MTSS2: variants seen among roughly 807,000 people sequenced by gnomAD.
MTSS2 encodes protein MTSS 2.
Under a neutral mutation model 67.1 loss-of-function variants are expected in MTSS2, and 27 were observed. The observed-to-expected ratio is 0.40, with a 90% confidence interval of 0.30 to 0.55. The LOEUF (loss-of-function observed/expected upper bound fraction) is 0.55. Ranked by LOEUF, MTSS2 falls within the 20% of genes least tolerant of loss-of-function variation. The pLI, the probability that MTSS2 is intolerant of heterozygous loss-of-function variation, is 0.43. For synonymous variants in MTSS2, 624 were observed against 468.6 expected (o/e 1.33, Z -4.28); for missense variants, 1,171 against 1,067.8 (o/e 1.10, Z -1.35).
At chr16:70,678,509 G>A (rs2053194263) in intron 7 of MTSS2, 100 bp from the exon 8 acceptor site, 3 of 1,419,712 alleles carry the variant, frequency 2.1e-6, no homozygotes, top group African/African-American at 1.4e-5. Flanking sequence ...CTCGGCCGTT[G>A]GGCTGGGTGT....
rs531163149 is a variant in MTSS2 at position 70,664,131 on chromosome 16, G to A, written c.1790C>T (p.Thr597Met). The A allele has an allele frequency of 3.5e-5, 57 of 1,610,574 alleles. No homozygotes were observed. In the East Asian group the frequency reaches 7.6e-4, roughly 21 times the overall value. The part of the protein sequence containing the change: ...RPPIVPVKTP[T>M]VPDSPGYMGP... ...CATGTAGCCGGGGGAGTCAGGCACC[G>A]TGGGCGTCTTCACAGGGACGATGGG... The change falls in exon 15 of 15, where the codon ACG becomes ATG. Residue 597 changes from threonine to methionine, a missense_variant. Thr to Met is a moderately conservative substitution (Grantham distance 81). Transcript: ENST00000338779.
intron 1 of MTSS2, among the ~76,000 whole-genome samples, chr16:70,682,133 G>A (rs367809701): frequency 7.2e-5 from 11 of 152,272 alleles, no homozygotes; most frequent in African/African-American, 2.4e-4. Context: ...GAGACAGGGC[G>A]GCTTAGGGGG....
At chr16:70,684,652 G>A (rs1396970068) in intron 1 of MTSS2, among the ~76,000 whole-genome samples, 1 of 152,190 alleles carries the variant, frequency 6.6e-6, no homozygotes, top group Non-Finnish European at 1.5e-5. Context: ...GGGCCCTTGG[G>A]AGATCCTGTG....
chr16:70,682,284 G>A (rs1221580753), intron 1 of MTSS2, among the ~76,000 whole-genome samples: 1 of 152,314 alleles, frequency 6.6e-6, no homozygotes. Context: ...CAGGGTGAAG[G>A]GGCCTGGGAA....
intron 11 of MTSS2, among the ~76,000 whole-genome samples, chr16:70,669,830 T>C (rs994796581): frequency 9.6e-6 from 1 of 104,444 alleles, no homozygotes; most frequent in Non-Finnish European, 2.1e-5. Flanking sequence ...AAAAAAAAAG[T>C]ATGAAAAGGT....
In MTSS2 at chr16:70,663,795, G is replaced by A. The variant is rs751872615; in HGVS notation, c.2126C>T (p.Thr709Ile). ...GTCGCTGGTGGCGGCTGGGGGTGGG[G>A]TGGGCGTCTCCTCCGTGGGGGTGGC... ...LSATPTEETPTPPPAATSDPP... is the reference protein window; with the variant it reads ...LSATPTEETPIPPPAATSDPP... The change falls in exon 15 of 15, where the codon ACC becomes ATC. Residue 709 changes from threonine to isoleucine, a missense_variant. Transcript: ENST00000338779. The A allele has an allele frequency of 1.3e-6, 2 of 1,521,200 alleles. No homozygotes were observed. Among genetic ancestry groups the A allele is most frequent in the South Asian group, 2.5e-5 (2 of 81,510 alleles). 94.2% of individuals were successfully genotyped at this position (1,521,200 alleles called of 1,614,324 possible). A position where few individuals can be genotyped will look rare whatever the true frequency, so the allele number is the denominator to read the frequency against.
In MTSS2 at chr16:70,663,570, T is replaced by C; in HGVS notation, c.*107A>G. On this transcript the variant is annotated 3_prime_UTR_variant, in exon 15 of 15. Transcript: ENST00000338779. ...CCATAAAGTGGCATGGCCTCTGCCC[T>C]GGCTCTGTCCTCTCTCCTGGCTGGG... 6.9e-7 allele frequency: 1 copy of C among 1,439,976 alleles called. No individual in the cohort carries two copies. Among genetic ancestry groups the C allele is most frequent in the East Asian group, 2.5e-5 (1 of 39,336 alleles). The allele number at this position is 1,439,976 out of a possible 1,614,324, so 89.2% of individuals were successfully genotyped here. A position where few individuals can be genotyped will look rare whatever the true frequency, so the allele number is the denominator to read the frequency against.
chr16:70,679,074 C>T (rs940106954), intron 7 of MTSS2, among the ~76,000 whole-genome samples: 10 of 152,132 alleles, frequency 6.6e-5, no homozygotes, highest in African/African-American at 2.4e-4. Flanking sequence ...GCCCCCATCC[C>T]GCCCTGGCCA....
chr16:70,680,917 G>A (rs749131639), intron 2 of MTSS2, 47 bp downstream of exon 2: 3 of 1,168,276 alleles, frequency 2.6e-6, no homozygotes, highest in South Asian at 1.3e-5. Context: ...GCGGGGGGGG[G>A]GCCTCTGCCT....
At position 70,663,479 on chromosome 16, in the gene MTSS2, G is replaced by A. The variant is rs115402911; in HGVS notation, c.*198C>T. On this transcript the variant is annotated 3_prime_UTR_variant, in exon 15 of 15. Transcript: ENST00000338779. Reference sequence around the variant, plus strand: ...AACCAGGCCCAGGCCTGCAGGCTCCGTCCTGGCCAGGCTTGCTAAGAAGTC... The same window carrying A: ...AACCAGGCCCAGGCCTGCAGGCTCCATCCTGGCCAGGCTTGCTAAGAAGTC... 4.9e-4 allele frequency: 519 copies of A among 1,069,752 alleles called. 1 individual carries two copies. The African/African-American group carries it at 5.4e-3, about 11-fold the overall frequency. The allele number at this position is 1,069,752 out of a possible 1,614,324, so 66.3% of individuals were successfully genotyped here.
intron 11 of MTSS2, among the ~76,000 whole-genome samples, chr16:70,669,807 A>C (rs2052859950): frequency 8.1e-6 from 1 of 123,406 alleles, no homozygotes; most frequent in African/African-American, 3.2e-5. Flanking sequence ...ACAGAGTGAG[A>C]CTCTGTCTCA....
At position 70,679,847 on chromosome 16, in the gene MTSS2, C is replaced by T. The variant is rs1191832061; in HGVS notation, c.321G>A (p.Leu107=). The T allele has an allele frequency of 3.1e-6, 5 of 1,604,678 alleles. No homozygotes were observed. In the Admixed American group the frequency reaches 8.3e-5, roughly 27 times the overall value. The change falls in exon 5 of 15, where the codon CTG becomes CTA. Residue 107 remains leucine, a synonymous_variant. Transcript: ENST00000338779. Reference sequence around the variant, plus strand: ...TCTTCCAGTCCTCGATGCGCTCCTGCAGCGGGTTGATGAGGCTCTCCAGCA... The same window carrying T: ...TCTTCCAGTCCTCGATGCGCTCCTGTAGCGGGTTGATGAGGCTCTCCAGCA... The part of the protein sequence containing the change: ...NALLESLINP[L]QERIEDWKKA...
intron 11 of MTSS2, among the ~76,000 whole-genome samples, chr16:70,673,059 G>T (rs1270183359): frequency 6.6e-6 from 1 of 152,144 alleles, no homozygotes; most frequent in African/African-American, 2.4e-5. Flanking sequence ...TGCTTTGGAG[G>T]GTGAGGTGGG....
At chr16:70,684,535 C>T (rs927706441) in intron 1 of MTSS2, among the ~76,000 whole-genome samples, 4 of 152,146 alleles carry the variant, frequency 2.6e-5, no homozygotes, top group East Asian at 1.9e-4. Context: ...CCACCCCTCA[C>T]GGGGCCTGTC....
At position 70,661,656 on chromosome 16, in the gene MTSS2, G is replaced by A. The variant is rs1303130747; in HGVS notation, c.*2021C>T. The stretch of plus-strand genomic sequence containing the variant: ...GCAAGGGCGGCGGGGGTGGTCTCAG[G>A]GATGGACAAGGGGATGGAGTAGAGT... On this transcript the variant is annotated 3_prime_UTR_variant, in exon 15 of 15. Transcript: ENST00000338779. 3.0e-6 allele frequency: 1 copy of A among 337,026 alleles called. No individual in the cohort carries two copies. Among genetic ancestry groups the A allele is most frequent in the Non-Finnish European group, 5.8e-6 (1 of 173,656 alleles). The allele number at this position is 337,026 out of a possible 1,614,324, so 20.9% of individuals were successfully genotyped here.
chr16:70,685,461 G>A (rs1322932312), intron 1 of MTSS2, among the ~76,000 whole-genome samples: 2 of 152,136 alleles, frequency 1.3e-5, no homozygotes, highest in African/African-American at 4.8e-5. Flanking sequence ...GGCGCAGGGA[G>A]CCTGCGTGTG....
chr16:70,665,076 G>T lies in MTSS2; in HGVS notation c.1149C>A (p.Ser383=), dbSNP rs372798949. 6.3e-7 allele frequency: 1 copy of T among 1,597,438 alleles called. No homozygotes were observed. Among genetic ancestry groups the T allele is most frequent in the East Asian group, 2.2e-5 (1 of 44,880 alleles). The change falls in exon 13 of 15, where the codon TCC becomes TCA. Residue 383 remains serine (S), a synonymous_variant. Coordinates refer to ENST00000338779, the MANE Select transcript of MTSS2 (RefSeq NM_138383.3). ...SPTSDWSKVG[S]HEQPSGATLQ... ...GAGTGGCGCCTGAGGGCTGCTCATG[G>T]GAGCCGACCTTGGACCAGTCCTGCA...
In MTSS2 at chr16:70,661,227, T is replaced by TAATA. The variant is rs1397647429; in HGVS notation, c.*2446_*2449dup. 8.8e-6 allele frequency: 4 copies of TAATA among 454,900 alleles called. No individual in the cohort carries two copies. The highest frequency in any genetic ancestry group is 2.4e-5 in the Admixed American group (1 of 42,396). 28.2% of individuals were successfully genotyped at this position (454,900 alleles called of 1,614,324 possible). On this transcript the variant is annotated 3_prime_UTR_variant, in exon 15 of 15. Transcript: ENST00000338779. ...GGTGTTAATTACAGTACACCTTTAT[T>TAATA]AATACTGGAATCTTCACAGTGCATC...
intron 10 of MTSS2, among the ~76,000 whole-genome samples, chr16:70,674,800 C>T (rs998373587): frequency 2.6e-5 from 4 of 152,166 alleles, no homozygotes; most frequent in African/African-American, 9.7e-5. Flanking sequence ...ACCTCTCTGC[C>T]TCCTATTCTG....
Sources: allele counts gnomAD v4.1 joint callset (sites outside exome capture counted in the v4.1 genomes callset), GRCh38; gene constraint gnomAD v4.1.1; transcripts MANE v1.5; gene names NCBI Gene and HGNC (gene_info 2026-07-23, HGNC 2026-07-21).